The following OR12D3 variants were observed in gnomAD, a reference collection of about 807,000 sequenced individuals.
OR12D3 encodes the protein olfactory receptor 12D3.
For missense variants in OR12D3, 333 were observed against 386.4 expected (o/e 0.86, Z 1.16); for synonymous variants, 142 against 138.8 (o/e 1.02, Z -0.16).
In OR12D3 at chr6:29,375,180, G is replaced by A. The variant is rs552714474; in HGVS notation, c.108C>T (p.Asn36=). The A allele has an allele frequency of 7.4e-6, 12 of 1,612,868 alleles. No individual in the cohort carries two copies. The Admixed American group carries it at 1.8e-4, about 25-fold the overall frequency. ...CCAATATAGATCCATTTCCAATCAA[G>A]TTTATCAGGTAAATGATTAAGAAAA... ...FGIFLIIYLI[N]LIGNGSILVM... The change falls in exon 1 of 1, where the codon AAC becomes AAT. Residue 36 remains asparagine (N), a synonymous_variant. Transcript: ENST00000396806.
At position 29,373,962 on chromosome 6, in the gene OR12D3, AG is replaced by A; in HGVS notation, c.*374del. 3 of 401,230 alleles carry A rather than the reference AG, an allele frequency of 7.5e-6. No homozygotes were observed. Among genetic ancestry groups the A allele is most frequent in the Non-Finnish European group, 1.3e-5 (3 of 227,780 alleles). The allele number at this position is 401,230 out of a possible 1,614,324, so 24.9% of individuals were successfully genotyped here. On this transcript the variant is annotated 3_prime_UTR_variant, in exon 1 of 1. Coordinates refer to ENST00000396806, the MANE Select transcript of OR12D3 (RefSeq NM_030959.3). ...GATTATCTCATATGGAATTTCAGTA[AG>A]ATACTTCTATTACTTGGAAAATTCC...
At position 29,373,496 on chromosome 6, in the gene OR12D3, A is replaced by C. The variant is rs1350879977; in HGVS notation, c.*841T>G. ...AAATTTAAATTTAATTCTATCAAAA[A>C]TTTATCAAATTTAAATTGTGCAAAC... On this transcript the variant is annotated 3_prime_UTR_variant, in exon 1 of 1. Transcript: ENST00000396806. 2 of 152,252 alleles carry C rather than the reference A, an allele frequency of 1.3e-5. No individual in the cohort carries two copies. Among genetic ancestry groups the C allele is most frequent in the African/African-American group, 4.8e-5 (2 of 41,458 alleles). 9.4% of individuals were successfully genotyped at this position (152,252 alleles called of 1,614,324 possible).
rs563883891 is a variant in OR12D3, at chr6:29,373,967, C to A, written c.*370G>T. 1 of 402,036 alleles carries A rather than the reference C, an allele frequency of 2.5e-6. No individual in the cohort carries two copies. The highest frequency in any genetic ancestry group is 4.3e-5 in the Admixed American group (1 of 23,502). The allele number at this position is 402,036 out of a possible 1,614,324, so 24.9% of individuals were successfully genotyped here. ...TCTCATATGGAATTTCAGTAAGATA[C>A]TTCTATTACTTGGAAAATTCCAAAG... On this transcript the variant is annotated 3_prime_UTR_variant, in exon 1 of 1. Coordinates refer to ENST00000396806, the MANE Select transcript of OR12D3 (RefSeq NM_030959.3).
rs1477967925 is a variant in OR12D3, at chr6:29,374,907, A to G, written c.381T>C (p.Pro127=). 1 of 1,613,904 alleles carries G rather than the reference A, an allele frequency of 6.2e-7. No individual in the cohort carries two copies. The highest frequency in any genetic ancestry group is 1.3e-5 in the African/African-American group (1 of 74,946). The part of the protein sequence containing the change: ...AFDRFVAICN[P]LRYTVIMNPQ... ...GGTTCATGATGACAGTGTAGCGAAG[A>G]GGATTGCAGATGGCAACAAAACGGT... Residue 127 remains proline (P), a synonymous_variant, in exon 1 of 1, where the codon CCT becomes CCC. Transcript: ENST00000396806.
chr6:29,374,739 T>G lies in OR12D3; in HGVS notation c.549A>C (p.Leu183Phe). The G allele has an allele frequency of 6.2e-7, 1 of 1,613,156 alleles. No homozygotes were observed. Residue 183 changes from leucine (L) to phenylalanine (F), a missense_variant, in exon 1 of 1, where the codon TTA becomes TTC. By Grantham distance (22) the Leu-to-Phe change is conservative. Coordinates refer to ENST00000396806, the MANE Select transcript of OR12D3 (RefSeq NM_030959.3). ...GTAATGTGTCACTACAGGCCAATTC[T>G]AAGAGCGGCTTGACATCGTAGAAGA... is the stretch of plus-strand genomic sequence containing the variant. ...NHFFYDVKPL[L>F]ELACSDTLLN... is the part of the protein sequence containing the mutation.
chr6:29,374,756 C>T lies in OR12D3; in HGVS notation c.532G>A (p.Asp178Asn), dbSNP rs745630094. 1.2e-6 allele frequency: 2 copies of T among 1,613,036 alleles called. No homozygotes were observed. Among genetic ancestry groups the T allele is most frequent in the Non-Finnish European group, 1.7e-6 (2 of 1,180,012 alleles). ...GSQKLNHFFYDVKPLLELACS... is the reference protein window; with the variant it reads ...GSQKLNHFFYNVKPLLELACS... ...GCCAATTCTAAGAGCGGCTTGACAT[C>T]GTAGAAGAAGTGATTGAGTTTCTGA... The change falls in exon 1 of 1, where the codon GAT becomes AAT. Residue 178 changes from aspartate to asparagine, a missense_variant. Coordinates refer to ENST00000396806, the MANE Select transcript of OR12D3 (RefSeq NM_030959.3).
Position 29,374,818 on chromosome 6 carries a change from T to C in OR12D3, c.470A>G (p.His157Arg). 2.5e-6 allele frequency: 4 copies of C among 1,612,896 alleles called. No individual in the cohort carries two copies. Among genetic ancestry groups the C allele is most frequent in the Non-Finnish European group, 3.4e-6 (4 of 1,179,994 alleles). Residue 157 changes from histidine to arginine, a missense_variant, in exon 1 of 1, where the codon CAT becomes CGT. His to Arg is a conservative substitution (Grantham distance 29). Transcript: ENST00000396806. ...ACTCAGGTGTGCAGTCATGACAGAATGCATCAGAGCGTAAAAGAAGCTGAT... is the reference window on the plus strand; with the variant it reads ...ACTCAGGTGTGCAGTCATGACAGAACGCATCAGAGCGTAAAAGAAGCTGAT... ...WLISFFYALM[H>R]SVMTAHLSFC... is the part of the protein sequence containing the mutation.
chr6:29,374,920 G>A lies in OR12D3; in HGVS notation c.368C>T (p.Ala123Val). The A allele has an allele frequency of 6.2e-7, 1 of 1,613,932 alleles. No homozygotes were observed. Among genetic ancestry groups the A allele is most frequent in the Non-Finnish European group, 8.5e-7 (1 of 1,180,036 alleles). The change falls in exon 1 of 1, where the codon GCC becomes GTC. Residue 123 changes from alanine (A) to valine (V), a missense_variant. Coordinates refer to ENST00000396806, the MANE Select transcript of OR12D3 (RefSeq NM_030959.3). ...LAIMAFDRFVAICNPLRYTVI... is the reference protein window; with the variant it reads ...LAIMAFDRFVVICNPLRYTVI... ...AGTGTAGCGAAGAGGATTGCAGATG[G>A]CAACAAAACGGTCAAAGGCCATGAT...
Position 29,375,274 on chromosome 6 carries a change from G to A in OR12D3, c.14C>T (p.Thr5Ile), listed in dbSNP as rs1347683449. 1 of 1,574,808 alleles carries A rather than the reference G, an allele frequency of 6.3e-7. No individual in the cohort carries two copies. MENV[T>I]TMNEFLLLGL... is the part of the protein sequence containing the mutation. Reference sequence around the variant, plus strand: ...AAGTAGAAGAAACTCATTCATTGTAGTGACATTCTCCATTGCTCTGGGAAG... The same window carrying A: ...AAGTAGAAGAAACTCATTCATTGTAATGACATTCTCCATTGCTCTGGGAAG... The change falls in exon 1 of 1, where the codon ACT becomes ATT. Residue 5 changes from threonine to isoleucine, a missense_variant. Transcript: ENST00000396806.
In OR12D3 at chr6:29,375,097, A is replaced by G; in HGVS notation, c.191T>C (p.Leu64Pro). 1 of 1,612,872 alleles carries G rather than the reference A, an allele frequency of 6.2e-7. No homozygotes were observed. Among genetic ancestry groups the G allele is most frequent in the Non-Finnish European group, 8.5e-7 (1 of 1,179,966 alleles). The change falls in exon 1 of 1, where the codon CTT becomes CCT. Residue 64 changes from leucine (L) to proline (P), a missense_variant. Physicochemically the swap from Leu to Pro is moderately conservative, Grantham distance 98. Coordinates refer to ENST00000396806, the MANE Select transcript of OR12D3 (RefSeq NM_030959.3). Reference sequence around the variant, plus strand: ...AGAATAAGAAATATCCAGACAAGAAAGGTTTCCCAGAAAAAAATACATAGG... The same window carrying G: ...AGAATAAGAAATATCCAGACAAGAAGGGTTTCCCAGAAAAAAATACATAGG... The part of the protein sequence containing the change: ...HSPMYFFLGN[L>P]SCLDISYSSV...
At position 29,374,911 on chromosome 6, in the gene OR12D3, T is replaced by C. The variant is rs1779340447; in HGVS notation, c.377A>G (p.Asn126Ser). ...MAFDRFVAIC[N>S]PLRYTVIMNP... ...CATGATGACAGTGTAGCGAAGAGGA[T>C]TGCAGATGGCAACAAAACGGTCAAA... The change falls in exon 1 of 1, where the codon AAT becomes AGT. Residue 126 changes from asparagine to serine, a missense_variant. Asn to Ser is a conservative substitution (Grantham distance 46). Transcript: ENST00000396806. 3.1e-6 allele frequency: 5 copies of C among 1,613,770 alleles called. No homozygotes were observed. The highest frequency in any genetic ancestry group is 1.6e-4 in the Middle Eastern group (1 of 6,084).
chr6:29,374,647 A>G lies in OR12D3; in HGVS notation c.641T>C (p.Leu214Pro). ...GAAGCCAATTACATAGAAGCAGGAGAGAAGAGTCAGAAAGAAAGCTCCCAT... is the reference window on the plus strand; with the variant it reads ...GAAGCCAATTACATAGAAGCAGGAGGGAAGAGTCAGAAAGAAAGCTCCCAT... ...ISMGAFFLTLLSCFYVIGFLL... is the reference protein window; with the variant it reads ...ISMGAFFLTLPSCFYVIGFLL... The change falls in exon 1 of 1, where the codon CTC becomes CCC. Residue 214 changes from leucine to proline, a missense_variant. Transcript: ENST00000396806. 7 of 1,612,764 alleles carry G rather than the reference A, an allele frequency of 4.3e-6. No homozygotes were observed. Among genetic ancestry groups the G allele is most frequent in the Non-Finnish European group, 5.1e-6 (6 of 1,180,028 alleles).
Position 29,375,073 on chromosome 6 carries a change from G to T in OR12D3, c.215C>A (p.Ser72Tyr). ...GAGCAGCTTGGGCAGTGTCACTGAA[G>T]AATAAGAAATATCCAGACAAGAAAG... ...GNLSCLDISYSSVTLPKLLVN... is the reference protein window; with the variant it reads ...GNLSCLDISYYSVTLPKLLVN... Residue 72 changes from serine (S) to tyrosine (Y), a missense_variant, in exon 1 of 1, where the codon TCT becomes TAT. Ser to Tyr is a moderately radical substitution (Grantham distance 144). Coordinates refer to ENST00000396806, the MANE Select transcript of OR12D3 (RefSeq NM_030959.3). 1.2e-6 allele frequency: 2 copies of T among 1,613,046 alleles called. No homozygotes were observed. The highest frequency in any genetic ancestry group is 1.7e-6 in the Non-Finnish European group (2 of 1,179,970).
chr6:29,374,949 C>T lies in OR12D3; in HGVS notation c.339G>A (p.Leu113=), dbSNP rs1198800112. The change falls in exon 1 of 1, where the codon CTG becomes CTA. Residue 113 remains leucine, a synonymous_variant. Transcript: ENST00000396806. The part of the protein sequence containing the change: ...HFLGSTEAIL[L]AIMAFDRFVA... Reference sequence around the variant, plus strand: ...CAAAACGGTCAAAGGCCATGATAGCCAGTAAAATGGCCTCTGTGCTTCCCA... The same window carrying T: ...CAAAACGGTCAAAGGCCATGATAGCTAGTAAAATGGCCTCTGTGCTTCCCA... 1.9e-6 allele frequency: 3 copies of T among 1,613,904 alleles called. No homozygotes were observed. The highest frequency in any genetic ancestry group is 2.5e-6 in the Non-Finnish European group (3 of 1,180,014).
In OR12D3 at chr6:29,374,662, A is replaced by C; in HGVS notation, c.626T>G (p.Phe209Cys). 6.2e-7 allele frequency: 1 copy of C among 1,612,406 alleles called. No individual in the cohort carries two copies. The highest frequency in any genetic ancestry group is 8.5e-7 in the Non-Finnish European group (1 of 1,180,028). The change falls in exon 1 of 1, where the codon TTC becomes TGC. Residue 209 changes from phenylalanine (F) to cysteine (C), a missense_variant. Phe to Cys is a radical substitution (Grantham distance 205). Transcript: ENST00000396806. ...GAAGCAGGAGAGAAGAGTCAGAAAG[A>C]AAGCTCCCATGGATATGCTGCCTGT... ...IVTGSISMGA[F>C]FLTLLSCFYV...
At position 29,374,548 on chromosome 6, in the gene OR12D3, A is replaced by T; in HGVS notation, c.740T>A (p.Val247Glu). ...GCCCACAGGTCCATAGAAAAGACAT[A>T]CCACCATAAAATGGGAGGCACAAGT... ...LSTCASHFMV[V>E]CLFYGPVGFT... The change falls in exon 1 of 1, where the codon GTA (valine) becomes GAA (glutamate). Residue 247 changes from valine to glutamate, a missense_variant. Physicochemically the swap from Val to Glu is moderately radical, Grantham distance 121. Coordinates refer to ENST00000396806, the MANE Select transcript of OR12D3 (RefSeq NM_030959.3). The T allele has an allele frequency of 6.2e-7, 1 of 1,613,060 alleles. No homozygotes were observed.
chr6:29,374,348 G>T lies in OR12D3; in HGVS notation c.940C>A (p.Gln314Lys). 1 of 1,608,554 alleles carries T rather than the reference G, an allele frequency of 6.2e-7. No homozygotes were observed. ...ATCCCTCATTAGTCCTAGTGGTGTT[G>T]CTGCCAGTCTTTAAACAACTTCCTA... The part of the protein sequence containing the change: ...FGRKLFKDWQ[Q>K]HH Residue 314 changes from glutamine to lysine, a missense_variant, in exon 1 of 1, where the codon CAA (glutamine) becomes AAA (lysine). Gln to Lys is a moderately conservative substitution (Grantham distance 53). Transcript: ENST00000396806.
In OR12D3 at chr6:29,373,647, G is replaced by C. The variant is rs1779245007; in HGVS notation, c.*690C>G. ...AGGGACAGTAATGTAGGTTTAGCTT[G>C]ATTGTGGTAGTCTCTTCACAATGTA... On this transcript the variant is annotated 3_prime_UTR_variant, in exon 1 of 1. Transcript: ENST00000396806. The C allele has an allele frequency of 1.1e-5, 2 of 176,204 alleles. No homozygotes were observed. Among genetic ancestry groups the C allele is most frequent in the East Asian group, 3.0e-4 (2 of 6,732 alleles). The allele number at this position is 176,204 out of a possible 1,614,324, so 10.9% of individuals were successfully genotyped here. A position where few individuals can be genotyped will look rare whatever the true frequency, so the allele number is the denominator to read the frequency against.
chr6:29,374,085 G>C lies in OR12D3; in HGVS notation c.*252C>G. ...ACTTCCTACCTCCTTAGTTCTCCTT[G>C]CCACCGAATTATCCTGACATATGTA... On this transcript the variant is annotated 3_prime_UTR_variant, in exon 1 of 1. Transcript: ENST00000396806. 2.2e-6 allele frequency: 1 copy of C among 463,386 alleles called. No homozygotes were observed. The highest frequency in any genetic ancestry group is 3.8e-6 in the Non-Finnish European group (1 of 265,828). The allele number at this position is 463,386 out of a possible 1,614,324, so 28.7% of individuals were successfully genotyped here.
Sources: gnomAD v4.1 joint callset for allele counts on GRCh38, gnomAD v4.1.1 for gene constraint, MANE v1.5 for transcripts, NCBI Gene and HGNC (gene_info 2026-07-23, HGNC 2026-07-21) for gene names.